Variants in EGFR observed in about 807,000 individuals in gnomAD.
EGFR encodes the protein epidermal growth factor receptor.
In EGFR, 58 loss-of-function variants were observed where a neutral mutation model predicts 143.0. That is an observed-to-expected ratio of 0.41 (90% CI 0.33 to 0.50). EGFR has a LOEUF of 0.50. Among genes scored for constraint, EGFR ranks in the 20% least tolerant of loss-of-function variants. The probability of loss-of-function intolerance (pLI) is 0.39; values close to 1 mark genes in which losing one functional copy is unlikely to be tolerated. For missense variants in EGFR, 1,307 were observed against 1,579.0 expected, an observed-to-expected ratio of 0.83 and a Z score of 2.92; for synonymous variants, 613 against 594.4, an observed-to-expected ratio of 1.03 and a Z score of -0.45.
intron 1 of EGFR, among the ~76,000 whole-genome samples, chr7:55,123,824 T>C (rs1356355797): frequency 6.6e-6 from 1 of 151,984 alleles, no homozygotes; most frequent in Non-Finnish European, 1.5e-5. Flanking sequence ...TAGAATTAAA[T>C]CTCTGTGTGT....
chr7:55,098,286 C>A (rs1791597231), intron 1 of EGFR, among the ~76,000 whole-genome samples: 3 of 152,284 alleles, frequency 2.0e-5, no homozygotes, highest in Non-Finnish European at 4.4e-5. Context: ...CCTTCGGCAG[C>A]CAGGACTGGC....
At chr7:55,191,399 G>A (rs931028899) in intron 20 of EGFR, among the ~76,000 whole-genome samples, 6 of 152,034 alleles carry the variant, frequency 3.9e-5, no homozygotes, top group Non-Finnish European at 2.9e-5. Flanking sequence ...ATGCAGGAAG[G>A]TCAGCCTGGC....
At chr7:55,061,540 C>T (rs867880977) in intron 1 of EGFR, among the ~76,000 whole-genome samples, 25 of 151,312 alleles carry the variant, frequency 1.7e-4, no homozygotes, top group African/African-American at 5.3e-4. Flanking sequence ...TCTGATTAAA[C>T]GAGCATTTTA....
intron 1 of EGFR, among the ~76,000 whole-genome samples, chr7:55,086,385 A>G (rs2128892530): frequency 6.6e-6 from 1 of 152,374 alleles, no homozygotes; most frequent in Admixed American, 6.5e-5. Flanking sequence ...AAAGCCCTGG[A>G]AAGACATATC....
chr7:55,037,022 G>T (rs1787623211), intron 1 of EGFR, among the ~76,000 whole-genome samples: 1 of 152,188 alleles, frequency 6.6e-6, no homozygotes, highest in Non-Finnish European at 1.5e-5. Flanking sequence ...AATTCACAGA[G>T]CAAACATGGG....
intron 1 of EGFR, among the ~76,000 whole-genome samples, chr7:55,078,882 C>T (rs557440407): frequency 6.6e-6 from 1 of 152,370 alleles, no homozygotes; most frequent in Non-Finnish European, 1.5e-5. Context: ...GCAGCCCCCA[C>T]TCCCCTGTCT....
chr7:55,036,359 T>A (rs764033588), intron 1 of EGFR, among the ~76,000 whole-genome samples: 8 of 151,794 alleles, frequency 5.3e-5, no homozygotes, highest in Non-Finnish European at 1.0e-4. Context: ...CTTCTTTATT[T>A]TCAGGATAGG....
chr7:55,028,846 C>CAAA (rs1787087809), intron 1 of EGFR, among the ~76,000 whole-genome samples: 2 of 152,158 alleles, frequency 1.3e-5, no homozygotes. Context: ...TTGATTAAGT[C>CAAA]CAAACATATG....
chr7:55,043,570 T>C (rs1788021662), intron 1 of EGFR, among the ~76,000 whole-genome samples: 1 of 151,992 alleles, frequency 6.6e-6, no homozygotes, highest in South Asian at 2.1e-4. Context: ...CCATGTTGGC[T>C]AGGTTGGTCT....
chr7:55,100,947 C>T (rs1456053348), intron 1 of EGFR, among the ~76,000 whole-genome samples: 1 of 152,254 alleles, frequency 6.6e-6, no homozygotes, highest in Non-Finnish European at 1.5e-5. Flanking sequence ...GCTGTGAATA[C>T]CAGTGTCGGC....
chr7:55,037,590 C>G (rs1787665670), intron 1 of EGFR, among the ~76,000 whole-genome samples: 1 of 152,184 alleles, frequency 6.6e-6, no homozygotes, highest in African/African-American at 2.4e-5. Context: ...TGGAGTGATG[C>G]AGTAGACAGC....
intron 11 of EGFR, among the ~76,000 whole-genome samples, chr7:55,159,271 C>T (rs971701364): frequency 6.6e-6 from 1 of 152,124 alleles, no homozygotes; most frequent in Non-Finnish European, 1.5e-5. Context: ...TTATACCCAT[C>T]GTGGTTCAGG....
intron 1 of EGFR, among the ~76,000 whole-genome samples, chr7:55,035,870 C>T (rs1323653867): frequency 2.0e-5 from 3 of 152,012 alleles, no homozygotes; most frequent in Non-Finnish European, 4.4e-5. Flanking sequence ...TCCCCCTTCC[C>T]CCAACCTCCT....
At chr7:55,111,799 A>C (rs1792508793) in intron 1 of EGFR, among the ~76,000 whole-genome samples, 1 of 152,212 alleles carries the variant, frequency 6.6e-6, no homozygotes, top group African/African-American at 2.4e-5. Context: ...CACATTTAGG[A>C]GGGCTTATGA....
intron 11 of EGFR, among the ~76,000 whole-genome samples, chr7:55,158,013 T>C (rs1190251302): frequency 2.0e-5 from 3 of 152,228 alleles, no homozygotes; most frequent in African/African-American, 7.2e-5. Context: ...TTGCACTTAG[T>C]TGTCAAATCT....
At chr7:55,036,271 TGGGGGGGGGGGG>T (rs557551216) in intron 1 of EGFR, among the ~76,000 whole-genome samples, 3 of 22,400 alleles carry the variant, frequency 1.3e-4, no homozygotes, top group African/African-American at 1.8e-4. Flanking sequence ...TGTGTGTGTG[TGGGGGGGGGGGG>T]GTGGGTGTGT....
chr7:55,081,297 C>G (rs1242391356), intron 1 of EGFR, among the ~76,000 whole-genome samples: 2 of 152,110 alleles, frequency 1.3e-5, no homozygotes, highest in African/African-American at 2.4e-5. Flanking sequence ...GGCCACACAC[C>G]GTAACGGAGA....
intron 1 of EGFR, among the ~76,000 whole-genome samples, chr7:55,031,370 T>C (rs1205376315): frequency 1.3e-5 from 2 of 152,216 alleles, no homozygotes; most frequent in Non-Finnish European, 2.9e-5. Context: ...TCAACAAAAA[T>C]CTACCTGGCC....
At chr7:55,049,761 G>A (rs965911613) in intron 1 of EGFR, among the ~76,000 whole-genome samples, 2 of 152,180 alleles carry the variant, frequency 1.3e-5, no homozygotes, top group African/African-American at 4.8e-5. Context: ...TCTAGACTAT[G>A]TGTCCCCAAG....
Sources: allele counts gnomAD v4.1 joint callset (sites outside exome capture counted in the v4.1 genomes callset), GRCh38; gene constraint gnomAD v4.1.1; transcripts MANE v1.5; gene names NCBI Gene and HGNC (gene_info 2026-07-23, HGNC 2026-07-21).